ZDHHC14: variants seen among roughly 807,000 people sequenced by gnomAD.
The protein encoded by ZDHHC14 is zDHHC palmitoyltransferase 14, also known as palmitoyltransferase ZDHHC14.
Under a neutral mutation model 47.7 loss-of-function variants are expected in ZDHHC14, and 16 were observed. That is an observed-to-expected ratio of 0.34 (90% CI 0.23 to 0.51). The LOEUF (loss-of-function observed/expected upper bound fraction) is 0.51, where lower values mean the gene tolerates loss of function less well. ZDHHC14 is among the 20% of genes least tolerant of loss of function. ZDHHC14 has a pLI of 0.97. For synonymous variants in ZDHHC14, 293 were observed against 278.9 expected (o/e 1.05, Z -0.50); for missense variants, 515 against 662.5 (o/e 0.78, Z 2.44).
chr6:157,483,548 A>G (rs1459174341), intron 1 of ZDHHC14, among the ~76,000 whole-genome samples: 1 of 152,178 alleles, frequency 6.6e-6, no homozygotes, highest in Non-Finnish European at 1.5e-5. Flanking sequence ...CACAGTAATG[A>G]TGATGATGAT....
chr6:157,602,009 C>T (rs1784353748), intron 3 of ZDHHC14, among the ~76,000 whole-genome samples: 1 of 151,212 alleles, frequency 6.6e-6, no homozygotes, highest in Non-Finnish European at 1.5e-5. Context: ...CAAGACCATC[C>T]TGGCCAATAT....
At chr6:157,628,534 CTT>C in intron 4 of ZDHHC14, 48 bp downstream of exon 4, 1 of 1,574,494 alleles carries the variant, frequency 6.4e-7, no homozygotes, top group Non-Finnish European at 8.6e-7. Context: ...ATTTGCCTGA[CTT>C]TGATTTTCCT....
intron 1 of ZDHHC14, among the ~76,000 whole-genome samples, chr6:157,407,848 G>C (rs991632595): frequency 6.6e-6 from 1 of 152,200 alleles, no homozygotes; most frequent in Non-Finnish European, 1.5e-5. Context: ...AATAAACCTT[G>C]CTTGGATGGG....
intron 1 of ZDHHC14, among the ~76,000 whole-genome samples, chr6:157,429,592 A>AGGGG (rs1778295907): frequency 1.3e-5 from 1 of 78,956 alleles, no homozygotes; most frequent in South Asian, 4.5e-4. Context: ...GGAGGGAGGG[A>AGGGG]GGGAGGGAGA....
intron 8 of ZDHHC14, 90 bp from the exon 9 acceptor site, chr6:157,672,634 C>CA: frequency 3.9e-6 from 1 of 257,824 alleles, no homozygotes; most frequent in Non-Finnish European, 7.9e-6. Context: ...ACCCCACCCT[C>CA]CCCGCCCGTG....
At chr6:157,657,073 G>C (rs1412490009) in intron 8 of ZDHHC14, among the ~76,000 whole-genome samples, 1 of 151,806 alleles carries the variant, frequency 6.6e-6, no homozygotes, top group African/African-American at 2.4e-5. Context: ...TTTTAAGACA[G>C]GGTCTCACTC....
In ZDHHC14 at chr6:157,628,252, A is replaced by G. The variant is rs540748484; in HGVS notation, c.566-97A>G. 2.2e-5 allele frequency: 27 copies of G among 1,213,844 alleles called. No individual in the cohort carries two copies. The East Asian group carries it at 4.5e-4, about 20-fold the overall frequency. 75.2% of individuals were successfully genotyped at this position (1,213,844 alleles called of 1,614,324 possible). A position where few individuals can be genotyped will look rare whatever the true frequency, so the allele number is the denominator to read the frequency against. ...CAGAATAATATCATTGTGTTATACT[A>G]TCAGAGTATTGGGTGGGAGGGGCGG... On this transcript the variant is annotated intron_variant, in intron 3 of 8. Coordinates refer to ENST00000359775, the MANE Select transcript of ZDHHC14 (RefSeq NM_024630.3).
chr6:157,529,255 C>A (rs920072300), intron 1 of ZDHHC14: 1 of 154,646 alleles, frequency 6.5e-6, no homozygotes, highest in Admixed American at 6.5e-5. Context: ...CAAGTTACTT[C>A]TTGAGTATAA....
chr6:157,638,074 G>A (rs894590852), intron 5 of ZDHHC14, among the ~76,000 whole-genome samples: 1 of 152,118 alleles, frequency 6.6e-6, no homozygotes, highest in Non-Finnish European at 1.5e-5. Context: ...GCCAGCCCAG[G>A]GGGAGAGGGA....
intron 3 of ZDHHC14, among the ~76,000 whole-genome samples, chr6:157,620,479 G>A (rs9331348): frequency 3.3e-5 from 5 of 152,078 alleles, no homozygotes; most frequent in African/African-American, 1.2e-4. Flanking sequence ...CTCCACAATC[G>A]GAACAATAAT....
intron 3 of ZDHHC14, among the ~76,000 whole-genome samples, chr6:157,607,636 C>T (rs1224917825): frequency 6.6e-6 from 1 of 152,130 alleles, no homozygotes; most frequent in Non-Finnish European, 1.5e-5. Flanking sequence ...TGCAGGTGCC[C>T]TCTGCCCTTT....
At chr6:157,478,582 C>T (rs533231890) in intron 1 of ZDHHC14, among the ~76,000 whole-genome samples, 1 of 152,184 alleles carries the variant, frequency 6.6e-6, no homozygotes, top group Non-Finnish European at 1.5e-5. Context: ...TGTCCACACA[C>T]AAGAGAGTCA....
chr6:157,450,432 G>A (rs746357038), intron 1 of ZDHHC14, among the ~76,000 whole-genome samples: 3 of 150,892 alleles, frequency 2.0e-5, no homozygotes, highest in Admixed American at 6.6e-5. Context: ...GGAGAATGGC[G>A]TGAACCCCGG....
chr6:157,456,089 G>A (rs1286352519), intron 1 of ZDHHC14, among the ~76,000 whole-genome samples: 1 of 152,106 alleles, frequency 6.6e-6, no homozygotes, highest in African/African-American at 2.4e-5. Context: ...TGCGCCCTCC[G>A]TTATGAAAAC....
rs200439432 is a variant in ZDHHC14 at position 157,576,280 on chromosome 6, ATAT to A, written c.407-16702_407-16700del. 4.6e-3 allele frequency among the ~76,000 whole-genome samples: 696 copies of A among 152,360 alleles called. 8 individuals are homozygous for A. The highest frequency in any genetic ancestry group is 0.016 in the African/African-American group (653 of 41,590). On this transcript the variant is annotated intron_variant, in intron 2 of 8. Coordinates refer to ENST00000359775, the MANE Select transcript of ZDHHC14 (RefSeq NM_024630.3). ...TTCATAAAGAAAAAGCTGCTGCAAT[ATAT>A]TATTAAGAAAATTTCACATTTTAAT... is the stretch of plus-strand genomic sequence containing the variant.
chr6:157,394,442 T>C (rs992313902), intron 1 of ZDHHC14, among the ~76,000 whole-genome samples: 4 of 152,204 alleles, frequency 2.6e-5, no homozygotes, highest in Non-Finnish European at 5.9e-5. Flanking sequence ...TCTCTCTCAC[T>C]TGGGACGTGC....
chr6:157,409,322 TC>T (rs1480059115), intron 1 of ZDHHC14, among the ~76,000 whole-genome samples: 1 of 152,156 alleles, frequency 6.6e-6, no homozygotes, highest in African/African-American at 2.4e-5. Flanking sequence ...GCCCTCTGTT[TC>T]ATTTATGTGA....
At chr6:157,583,079 TC>T (rs993810589) in intron 2 of ZDHHC14, among the ~76,000 whole-genome samples, 42 of 152,136 alleles carry the variant, frequency 2.8e-4, no homozygotes, top group African/African-American at 9.4e-4. Context: ...ATCAGTTTGG[TC>T]CTTTTTTATA....
At chr6:157,534,137 G>T (rs948773588) in intron 1 of ZDHHC14, among the ~76,000 whole-genome samples, 1 of 152,100 alleles carries the variant, frequency 6.6e-6, no homozygotes, top group Non-Finnish European at 1.5e-5. Flanking sequence ...CAGGGTCAGA[G>T]GCAGCTAAAC....
Sources: gnomAD v4.1 joint callset for allele counts (sites outside exome capture counted in the v4.1 genomes callset) on GRCh38, gnomAD v4.1.1 for gene constraint, MANE v1.5 for transcripts, NCBI Gene and HGNC (gene_info 2026-07-23, HGNC 2026-07-21) for gene names.